The following SLC39A10 variants were observed in gnomAD, a reference collection of about 807,000 sequenced individuals.
SLC39A10 encodes the protein zinc transporter ZIP10.
In SLC39A10, 13 loss-of-function variants were observed where a neutral mutation model predicts 65.1. The ratio of observed to expected loss-of-function variants is 0.20; its 90% CI spans 0.13 to 0.32. SLC39A10 has a LOEUF of 0.32. Ranked by LOEUF, SLC39A10 falls within the 10% of genes least tolerant of loss-of-function variation. The pLI, the probability that SLC39A10 is intolerant of heterozygous loss-of-function variation, is 1.00. For synonymous variants in SLC39A10, 321 were observed against 342.2 expected (o/e 0.94, Z 0.68); for missense variants, 831 against 1,018.4 (o/e 0.82, Z 2.50).
Position 195,718,342 on chromosome 2 carries a change from C to A in SLC39A10, c.2146+10C>A. 6.3e-7 allele frequency: 1 copy of A among 1,585,164 alleles called. No homozygotes were observed. Among genetic ancestry groups the A allele is most frequent in the Non-Finnish European group, 8.6e-7 (1 of 1,159,166 alleles). ...CTGCCACATGAATTAGGTAATATAA[C>A]CTTAAAAATTTTACCAGATTTCATC... On this transcript the variant is annotated intron_variant, in intron 8 of 9. Transcript: ENST00000359634.
In SLC39A10 at chr2:195,646,183, C is replaced by T. The variant is rs192063890; in HGVS notation, c.-11-33849C>T. 2.5e-3 allele frequency among the ~76,000 whole-genome samples: 379 copies of T among 152,214 alleles called. 7 individuals carry two copies. The highest frequency in any genetic ancestry group is 0.023 in the Admixed American group (349 of 15,274). On this transcript the variant is annotated intron_variant, in intron 2 of 2. Coordinates refer to the SLC39A10 transcript ENST00000458054. ...CTGGTCTTGAACTCCTGGCCTCAAG[C>T]GATCCGCCCACCTCAGCCTCCCAAA...
intron 1 of SLC39A10, among the ~76,000 whole-genome samples, chr2:195,668,294 A>T (rs1248026388): frequency 6.6e-6 from 1 of 152,270 alleles, no homozygotes; most frequent in Non-Finnish European, 1.5e-5. Context: ...CATTTAAAGT[A>T]GTCCTGTAAT....
chr2:195,732,527 G>C (rs1692461877), intron 9 of SLC39A10, among the ~76,000 whole-genome samples: 1 of 152,200 alleles, frequency 6.6e-6, no homozygotes. Context: ...ATGTGGCAAA[G>C]CCATAGTTCC....
chr2:195,690,796 T>G (rs1185692201), intron 3 of SLC39A10, among the ~76,000 whole-genome samples: 3 of 152,214 alleles, frequency 2.0e-5, no homozygotes, highest in Non-Finnish European at 4.4e-5. Flanking sequence ...GATCTGCAAA[T>G]ATTTTCTCCC....
At chr2:195,667,864 C>T (rs1237845221) in intron 1 of SLC39A10, among the ~76,000 whole-genome samples, 2 of 152,028 alleles carry the variant, frequency 1.3e-5, no homozygotes, top group East Asian at 1.9e-4. Context: ...ATAGCTTGCA[C>T]TTAAATAACA....
At chr2:195,681,182 A>G in intron 2 of SLC39A10, 132 bp downstream of exon 2, 2 of 912,602 alleles carry the variant, frequency 2.2e-6, no homozygotes, top group Non-Finnish European at 3.2e-6. Flanking sequence ...CCTATGAAAT[A>G]TCAGGTAATG....
chr2:195,734,438 G>A (rs1225427035), intron 9 of SLC39A10, among the ~76,000 whole-genome samples: 2 of 152,140 alleles, frequency 1.3e-5, no homozygotes, highest in Non-Finnish European at 2.9e-5. Flanking sequence ...TGGGATTTAT[G>A]GGCGTGAGCC....
chr2:195,681,670 T>TA (rs1407656511), intron 2 of SLC39A10, among the ~76,000 whole-genome samples: 2 of 152,240 alleles, frequency 1.3e-5, no homozygotes, highest in Non-Finnish European at 2.9e-5. Context: ...TTAAGTGTTT[T>TA]AATGTTGTTA....
intron 1 of SLC39A10, among the ~76,000 whole-genome samples, chr2:195,665,355 G>A (rs994788467): frequency 2.6e-5 from 4 of 152,160 alleles, no homozygotes; most frequent in Admixed American, 6.5e-5. Context: ...GTGGTGCTGC[G>A]CACCTGTAGT....
At chr2:195,699,473 T>C (rs1691096700) in intron 3 of SLC39A10, among the ~76,000 whole-genome samples, 1 of 152,086 alleles carries the variant, frequency 6.6e-6, no homozygotes, top group Non-Finnish European at 1.5e-5. Flanking sequence ...CCTTAAGTTT[T>C]GGTTGTAGTT....
chr2:195,728,096 C>T lies in SLC39A10; in HGVS notation c.2147-63C>T. 7.1e-7 allele frequency: 1 copy of T among 1,413,622 alleles called. No individual in the cohort carries two copies. Among genetic ancestry groups the T allele is most frequent in the African/African-American group, 1.4e-5 (1 of 70,428 alleles). The allele number at this position is 1,413,622 out of a possible 1,614,324, so 87.6% of individuals were successfully genotyped here. A position where few individuals can be genotyped will look rare whatever the true frequency, so the allele number is the denominator to read the frequency against. ...TTAATGCTGATTTTATTTGTTTTCT[C>T]CTTTCAGATTTGTGTTTTAAATCCT... On this transcript the variant is annotated intron_variant, in intron 8 of 9. Coordinates refer to ENST00000359634, the MANE Select transcript of SLC39A10 (RefSeq NM_020342.3). The surrounding 1 kb of genome is among the most constrained non-coding windows in gnomAD (Gnocchi z 4.4).
intron 2 of SLC39A10, among the ~76,000 whole-genome samples, chr2:195,642,829 A>G (rs1055038602): frequency 1.3e-5 from 2 of 152,082 alleles, no homozygotes. Flanking sequence ...ATATAAGAGG[A>G]CCCAGAAGGA....
intron 1 of SLC39A10, among the ~76,000 whole-genome samples, chr2:195,659,866 C>G (rs1452004458): frequency 6.6e-6 from 1 of 152,134 alleles, no homozygotes; most frequent in Non-Finnish European, 1.5e-5. Flanking sequence ...CCTCCACTCC[C>G]TCCTTGACTA....
intron 2 of SLC39A10, among the ~76,000 whole-genome samples, chr2:195,681,680 A>G (rs1041222666): frequency 3.3e-5 from 5 of 152,122 alleles, no homozygotes; most frequent in African/African-American, 1.2e-4. Context: ...TAATGTTGTT[A>G]GAAAATGTAT....
chr2:195,728,482 G>A lies in SLC39A10; in HGVS notation c.2337+133G>A. The A allele has an allele frequency of 2.4e-6, 2 of 842,226 alleles. No homozygotes were observed. The highest frequency in any genetic ancestry group is 3.5e-6 in the Non-Finnish European group (2 of 570,574). 52.2% of individuals were successfully genotyped at this position (842,226 alleles called of 1,614,324 possible). ...ATAATATCCTAAATAATCTCTTAAGGAAGGACATTTAAGTAGGAGGTTTCC... is the reference window on the plus strand; with the variant it reads ...ATAATATCCTAAATAATCTCTTAAGAAAGGACATTTAAGTAGGAGGTTTCC... On this transcript the variant is annotated intron_variant, in intron 9 of 9. Coordinates refer to ENST00000359634, the MANE Select transcript of SLC39A10 (RefSeq NM_020342.3). This position sits in a 1 kb window ranked among gnomAD's most constrained non-coding sequence, Gnocchi z 4.4.
chr2:195,648,704 G>A (rs1688974320), intron 2 of SLC39A10, among the ~76,000 whole-genome samples: 1 of 152,014 alleles, frequency 6.6e-6, no homozygotes, highest in Admixed American at 6.6e-5. Flanking sequence ...ATAAAAATAG[G>A]TTGGATAATG....
At chr2:195,734,159 TAAAA>T (rs35001848) in intron 9 of SLC39A10, among the ~76,000 whole-genome samples, 5 of 116,540 alleles carry the variant, frequency 4.3e-5, no homozygotes, top group Non-Finnish European at 8.4e-5. Context: ...CCTTTTTTTT[TAAAA>T]AAAAAAAAAA....
intron 3 of SLC39A10, among the ~76,000 whole-genome samples, chr2:195,695,683 T>C (rs1316372693): frequency 6.6e-6 from 1 of 152,232 alleles, no homozygotes; most frequent in African/African-American, 2.4e-5. Context: ...GATGTGAGTC[T>C]CCACATGCTG....
intron 2 of SLC39A10, among the ~76,000 whole-genome samples, chr2:195,620,229 C>T (rs1387247846): frequency 1.3e-5 from 2 of 152,076 alleles, no homozygotes; most frequent in African/African-American, 4.8e-5. Flanking sequence ...CAGCCTGCCT[C>T]CAGGACTTTA....
Sources: gnomAD v4.1 joint callset for allele counts (sites outside exome capture counted in the v4.1 genomes callset) on GRCh38, gnomAD v4.1.1 for gene constraint, Gnocchi (gnomAD v3.1) non-coding constraint, MANE v1.5 for transcripts, NCBI Gene and HGNC (gene_info 2026-07-23, HGNC 2026-07-21) for gene names.